Variants in FMN1 observed in about 807,000 individuals in gnomAD.
The protein encoded by FMN1 is formin-1.
In FMN1, 110 loss-of-function variants were observed where a neutral mutation model predicts 132.4. That is an observed-to-expected ratio of 0.83 (90% CI 0.71 to 0.97). The LOEUF is 0.97. FMN1 is among the 50% of genes least tolerant of loss of function. The pLI is 0.00. For missense variants in FMN1, 1,792 were observed against 1,705.3 expected, an observed-to-expected ratio of 1.05 and a Z score of -0.90; for synonymous variants, 722 against 651.7, an observed-to-expected ratio of 1.11 and a Z score of -1.64.
intron 16 of FMN1, among the ~76,000 whole-genome samples, chr15:32,873,564 T>C (rs1278272940): frequency 1.3e-5 from 2 of 152,122 alleles, no homozygotes; most frequent in African/African-American, 4.8e-5. Flanking sequence ...TGCTGGAGCC[T>C]TTAACAGGAG....
chr15:32,861,223 A>G (rs1221103943), intron 16 of FMN1, among the ~76,000 whole-genome samples: 3 of 152,350 alleles, frequency 2.0e-5, no homozygotes, highest in East Asian at 1.9e-4. Context: ...ACGCCTGACA[A>G]TAACTCCTTC....
intron 7 of FMN1, among the ~76,000 whole-genome samples, chr15:32,980,615 T>G (rs1184275070): frequency 1.3e-5 from 2 of 152,232 alleles, no homozygotes; most frequent in African/African-American, 4.8e-5. Context: ...TTCTGTTTTG[T>G]TTTGTTTTAT....
In FMN1 at chr15:32,847,184, C is replaced by G. The variant is rs530680907; in HGVS notation, c.3928+9831G>C. Among the ~76,000 whole-genome samples the G allele has an allele frequency of 1.4e-4, 22 of 152,258 alleles. No homozygotes were observed. In the South Asian group the frequency reaches 2.3e-3, roughly 16 times the overall value. ...ATTCTTACATGGTTGAGGGCCTACT[C>G]AAAGTTGTAAAAATCAGTTTAAGGT... On this transcript the variant is annotated intron_variant, in intron 17 of 20. Coordinates refer to ENST00000616417, the MANE Select transcript of FMN1 (RefSeq NM_001277313.2).
intron 15 of FMN1, among the ~76,000 whole-genome samples, chr15:32,893,954 C>T (rs2060092287): frequency 6.6e-6 from 1 of 152,220 alleles, no homozygotes; most frequent in African/African-American, 2.4e-5. Context: ...AAAGATTCTT[C>T]AGGATAATTC....
At chr15:32,813,739 C>G (rs2057965395) in intron 17 of FMN1, among the ~76,000 whole-genome samples, 1 of 152,066 alleles carries the variant, frequency 6.6e-6, no homozygotes, top group South Asian at 2.1e-4. Context: ...TAACTTAGCC[C>G]AACTATTTAA....
At chr15:33,100,976 A>C (rs1237534842) in intron 4 of FMN1, among the ~76,000 whole-genome samples, 1 of 152,210 alleles carries the variant, frequency 6.6e-6, no homozygotes, top group Non-Finnish European at 1.5e-5. Flanking sequence ...CCCTGATTTT[A>C]AACACATAAA....
intron 14 of FMN1, among the ~76,000 whole-genome samples, chr15:32,899,498 G>A (rs185887107): frequency 4.6e-5 from 7 of 152,276 alleles, no homozygotes; most frequent in Admixed American, 2.0e-4. Context: ...AAGAGGTAGC[G>A]CCACAGGGGT....
intron 3 of FMN1, among the ~76,000 whole-genome samples, chr15:33,176,282 C>T (rs926000833): frequency 1.3e-5 from 2 of 151,828 alleles, no homozygotes; most frequent in African/African-American, 2.4e-5. Context: ...CCAAGGCAGG[C>T]AGATCACAAG....
At chr15:32,894,054 T>G (rs921131756) in intron 15 of FMN1, among the ~76,000 whole-genome samples, 7 of 152,218 alleles carry the variant, frequency 4.6e-5, no homozygotes, top group Non-Finnish European at 5.9e-5. Flanking sequence ...TAAACATGCC[T>G]TCCTCACTCC....
chr15:33,106,463 G>T (rs1161397239), intron 4 of FMN1, among the ~76,000 whole-genome samples: 1 of 151,856 alleles, frequency 6.6e-6, no homozygotes, highest in Non-Finnish European at 1.5e-5. Flanking sequence ...GAGGAATTTT[G>T]AGTCATTCTG....
intron 5 of FMN1, chr15:33,066,546 A>G (rs1156702925): frequency 6.3e-7 from 1 of 1,594,180 alleles, no homozygotes. Context: ...GCTGGCTTAG[A>G]ATTGGACCGT....
At chr15:32,973,094 C>G (rs1267684823) in intron 7 of FMN1, among the ~76,000 whole-genome samples, 2 of 152,188 alleles carry the variant, frequency 1.3e-5, no homozygotes, top group Non-Finnish European at 2.9e-5. Flanking sequence ...TCAAATTCAA[C>G]CACTTTGGTT....
chr15:32,881,427 A>T (rs1239288354), intron 16 of FMN1, among the ~76,000 whole-genome samples: 1 of 152,084 alleles, frequency 6.6e-6, no homozygotes, highest in Non-Finnish European at 1.5e-5. Flanking sequence ...CTATGCTTTA[A>T]AATTGATGCT....
At chr15:33,125,398 TAG>T (rs1295266383) in intron 4 of FMN1, among the ~76,000 whole-genome samples, 1 of 152,134 alleles carries the variant, frequency 6.6e-6, no homozygotes, top group Non-Finnish European at 1.5e-5. Flanking sequence ...TGAAGAAAGG[TAG>T]ACTCTTCCTA....
chr15:33,100,905 G>T, intron 4 of FMN1, among the ~76,000 whole-genome samples: 1 of 152,060 alleles, frequency 6.6e-6, no homozygotes, highest in East Asian at 1.9e-4. Context: ...TGTTTCCAAA[G>T]AATATGTAAT....
intron 6 of FMN1, among the ~76,000 whole-genome samples, chr15:33,018,135 G>A (rs146539161): frequency 1.3e-5 from 2 of 152,156 alleles, no homozygotes; most frequent in African/African-American, 4.8e-5. Context: ...AGGAGATGGA[G>A]CCTTTGGGAG....
chr15:33,041,008 G>C (rs1369152482), intron 6 of FMN1, among the ~76,000 whole-genome samples: 1 of 151,922 alleles, frequency 6.6e-6, no homozygotes, highest in African/African-American at 2.4e-5. Flanking sequence ...TTTGGGCTAA[G>C]GCTTTTCCTT....
rs530260932 is a variant in FMN1, at chr15:33,111,381, G to A, written c.1868-22407C>T. ...GACTCTCACAAGATTGCTGGTGGGAGCCTAAAATGGTACAGCAGCTCCAGA... is the reference window on the plus strand; with the variant it reads ...GACTCTCACAAGATTGCTGGTGGGAACCTAAAATGGTACAGCAGCTCCAGA... On this transcript the variant is annotated intron_variant, in intron 4 of 20. Coordinates refer to ENST00000616417, the MANE Select transcript of FMN1 (RefSeq NM_001277313.2). Among the ~76,000 whole-genome samples, 4 of 152,260 alleles carry A rather than the reference G, an allele frequency of 2.6e-5. No individual in the cohort carries two copies. The East Asian group carries it at 7.7e-4, about 29-fold the overall frequency.
At chr15:32,815,789 T>C (rs12593365) in intron 17 of FMN1, among the ~76,000 whole-genome samples, 29,616 of 152,100 alleles carry the variant, frequency 0.19, 3,112 homozygotes, top group East Asian at 0.34. Context: ...GTAATGATGG[T>C]GATGAACATT....
Sources: gnomAD v4.1 joint callset for allele counts (sites outside exome capture counted in the v4.1 genomes callset) on GRCh38, gnomAD v4.1.1 for gene constraint, MANE v1.5 for transcripts, NCBI Gene and HGNC (gene_info 2026-07-23, HGNC 2026-07-21) for gene names.